DAB2IP: variants seen among roughly 807,000 people sequenced by gnomAD.
DAB2IP encodes the protein disabled homolog 2-interacting protein.
Under a neutral mutation model 107.2 loss-of-function variants are expected in DAB2IP, and 28 were observed. The observed-to-expected ratio is 0.26, with a 90% CI of 0.19 to 0.36. The LOEUF (loss-of-function observed/expected upper bound fraction) is 0.36. Among genes scored for constraint, DAB2IP ranks in the 10% least tolerant of loss-of-function variants. The probability of loss-of-function intolerance (pLI) is 1.00; values close to 1 mark genes in which losing one functional copy is unlikely to be tolerated. For synonymous variants in DAB2IP, 755 were observed against 706.4 expected (o/e 1.07, Z -1.09); for missense variants, 1,400 against 1,644.7 (o/e 0.85, Z 2.57).
chr9:121,775,317 G>T (rs79611673), intron 13 of DAB2IP, among the ~76,000 whole-genome samples: 2 of 152,110 alleles, frequency 1.3e-5, no homozygotes, highest in African/African-American at 4.8e-5. Context: ...GGCGAGGCCC[G>T]TCTCCATGCT....
Position 121,567,194 on chromosome 9 carries a change from G to A in DAB2IP, c.6G>A (p.Glu2=), listed in dbSNP as rs778480636. Residue 2 remains glutamate (E), a synonymous_variant, in exon 1 of 17, where the codon GAG becomes GAA. Transcript: ENST00000259371. Reference sequence around the variant, plus strand: ...GGGCTGGGGGCCCACACGCCATGGAGCCCGACTCCCTTCTGGACCAAGACG... The same window carrying A: ...GGGCTGGGGGCCCACACGCCATGGAACCCGACTCCCTTCTGGACCAAGACG... 10 of 1,613,950 alleles carry A rather than the reference G, an allele frequency of 6.2e-6. No homozygotes were observed. In the South Asian group the frequency reaches 9.9e-5, roughly 16 times the overall value.
At position 121,617,481 on chromosome 9, in the gene DAB2IP, G is replaced by A. The variant is rs575617406; in HGVS notation, c.40+50253G>A. Among the ~76,000 whole-genome samples the A allele has an allele frequency of 3.5e-4, 54 of 152,318 alleles. No homozygotes were observed. The South Asian group carries it at 6.6e-3, about 19-fold the overall frequency. Reference sequence around the variant, plus strand: ...TTCCTCAGGCTCTCTCATCTCAAGCGTTCTGTGGGAGGGACAGCCCAATAC... The same window carrying A: ...TTCCTCAGGCTCTCTCATCTCAAGCATTCTGTGGGAGGGACAGCCCAATAC... On this transcript the variant is annotated intron_variant, in intron 1 of 16. Transcript: ENST00000259371.
rs565576243 is a variant in DAB2IP, at chr9:121,728,419, C to G, written c.363-28594C>G. ...TGATCCAAGTTTGAGTCCCGTTCCACTGCAGCTTTTGCTAGTTGCGTGAAT... is the reference window on the plus strand; with the variant it reads ...TGATCCAAGTTTGAGTCCCGTTCCAGTGCAGCTTTTGCTAGTTGCGTGAAT... On this transcript the variant is annotated intron_variant, in intron 3 of 15. Coordinates refer to ENST00000408936, the Ensembl canonical transcript of DAB2IP. Among the ~76,000 whole-genome samples the G allele has an allele frequency of 3.9e-5, 6 of 152,350 alleles. No individual in the cohort carries two copies. In the East Asian group the frequency reaches 1.2e-3, roughly 29 times the overall value.
At chr9:121,695,209 T>C (rs1419084059) in intron 2 of DAB2IP, among the ~76,000 whole-genome samples, 1 of 152,216 alleles carries the variant, frequency 6.6e-6, no homozygotes, top group Non-Finnish European at 1.5e-5. Context: ...AGAATCATTT[T>C]GCAAGCATGT....
chr9:121,602,271 C>T (rs1004584998), intron 1 of DAB2IP, among the ~76,000 whole-genome samples: 18 of 152,296 alleles, frequency 1.2e-4, no homozygotes, highest in African/African-American at 2.9e-4. Context: ...CCTTGGCTGA[C>T]GGGAGCCCTG....
At chr9:121,610,793 G>A (rs566188440) in intron 1 of DAB2IP, among the ~76,000 whole-genome samples, 29 of 152,256 alleles carry the variant, frequency 1.9e-4, no homozygotes, top group African/African-American at 7.0e-4. Flanking sequence ...ATGAGAGGAA[G>A]GGCGTATTTG....
At chr9:121,601,447 C>G (rs1054081482) in intron 1 of DAB2IP, among the ~76,000 whole-genome samples, 1 of 152,202 alleles carries the variant, frequency 6.6e-6, no homozygotes, top group Non-Finnish European at 1.5e-5. Context: ...CAACATTCTT[C>G]CTGTTTGGGA....
chr9:121,576,318 C>T (rs1162141346), intron 1 of DAB2IP: 1 of 152,450 alleles, frequency 6.6e-6, no homozygotes, highest in Non-Finnish European at 1.5e-5. Flanking sequence ...TCTTGCCACT[C>T]CCATCATCAT....
At position 121,641,974 on chromosome 9, in the gene DAB2IP, T is replaced by C. The variant is rs149409102; in HGVS notation, c.41-36704T>C. On this transcript the variant is annotated intron_variant, in intron 1 of 16. Transcript: ENST00000259371. ...CCTTTCTTTCTTTCTCTCTCTCTCT[T>C]TCTTTCTTTCTTTCTTTCCTTTCTC... is the stretch of plus-strand genomic sequence containing the variant. Among the ~76,000 whole-genome samples, 763 of 82,004 alleles carry C rather than the reference T, an allele frequency of 9.3e-3. 28 individuals carry two copies. Among genetic ancestry groups the C allele is most frequent in the African/African-American group, 0.038 (450 of 11,822 alleles). The allele number at this position is 82,004 out of a possible 152,430, so 53.8% of individuals were successfully genotyped here.
intron 1 of DAB2IP, among the ~76,000 whole-genome samples, chr9:121,580,640 T>C (rs1243436078): frequency 6.6e-6 from 1 of 151,806 alleles, no homozygotes; most frequent in Non-Finnish European, 1.5e-5. Context: ...TTTTTTTTTT[T>C]CTGAGATGGA....
At chr9:121,725,273 C>A (rs1831174589) in intron 3 of DAB2IP, among the ~76,000 whole-genome samples, 1 of 152,216 alleles carries the variant, frequency 6.6e-6, no homozygotes, top group African/African-American at 2.4e-5. Context: ...TGATTCTCGA[C>A]ACAGCCATTG....
At chr9:121,655,339 G>C (rs1296244230) in intron 1 of DAB2IP, among the ~76,000 whole-genome samples, 1 of 152,116 alleles carries the variant, frequency 6.6e-6, no homozygotes, top group Non-Finnish European at 1.5e-5. Flanking sequence ...TCTGACCCCT[G>C]TGTTTCCCCA....
chr9:121,713,220 T>G (rs545007082), intron 3 of DAB2IP, among the ~76,000 whole-genome samples: 2 of 152,334 alleles, frequency 1.3e-5, no homozygotes, highest in South Asian at 4.2e-4. Context: ...AACCCACGTC[T>G]GCCAGCTGGG....
chr9:121,713,441 CAG>C (rs947795668), intron 3 of DAB2IP, among the ~76,000 whole-genome samples: 5 of 152,184 alleles, frequency 3.3e-5, no homozygotes, highest in Middle Eastern at 3.2e-3. Flanking sequence ...CATTTGTAGA[CAG>C]GGGCCTAAAA....
At position 121,776,479 on chromosome 9, in the gene DAB2IP, C is replaced by T; in HGVS notation, c.3314+88C>T. 1 of 1,360,742 alleles carries T rather than the reference C, an allele frequency of 7.3e-7. No homozygotes were observed. The highest frequency in any genetic ancestry group is 9.8e-7 in the Non-Finnish European group (1 of 1,019,894). 84.3% of individuals were successfully genotyped at this position (1,360,742 alleles called of 1,614,324 possible). A position where few individuals can be genotyped will look rare whatever the true frequency, so the allele number is the denominator to read the frequency against. On this transcript the variant is annotated intron_variant, in intron 14 of 15. Transcript: ENST00000408936. This position sits in a 1 kb window ranked among gnomAD's most constrained non-coding sequence, Gnocchi z 5.4. ...AGGAGGCCCCTGGTCGGGGAGCCTC[C>T]TCAAAGGATAAGCTGAATGTGGAGA...
chr9:121,769,869 T>G (rs1476237204), intron 10 of DAB2IP, among the ~76,000 whole-genome samples: 1 of 152,238 alleles, frequency 6.6e-6, no homozygotes, highest in East Asian at 1.9e-4. Context: ...AACAGGGATT[T>G]GAAACTCAAC....
chr9:121,718,146 C>T (rs2118805116), intron 3 of DAB2IP, among the ~76,000 whole-genome samples: 1 of 152,306 alleles, frequency 6.6e-6, no homozygotes, highest in African/African-American at 2.4e-5. Context: ...GCAGACTCTC[C>T]TGCCTGCCCT....
At position 121,777,502 on chromosome 9, in the gene DAB2IP, C is replaced by A. The variant is rs556150392; in HGVS notation, c.3314+1111C>A. 4.6e-5 allele frequency among the ~76,000 whole-genome samples: 7 copies of A among 152,366 alleles called. No homozygotes were observed. The East Asian group carries it at 1.3e-3, about 29-fold the overall frequency. ...ATGGAAATGCTTTTCAATTTAACTG[C>A]CTTCTCTACATTGTGTGTATTCTCT... On this transcript the variant is annotated intron_variant, in intron 14 of 15. Coordinates refer to ENST00000408936, the Ensembl canonical transcript of DAB2IP.
At position 121,772,924 on chromosome 9, in the gene DAB2IP, C is replaced by T. The variant is rs370862211; in HGVS notation, c.2396C>T (p.Thr799Met). The change falls in exon 12 of 16, where the codon ACG becomes ATG. Residue 799 changes from threonine to methionine, a missense_variant. Physicochemically the swap from Thr to Met is moderately conservative, Grantham distance 81. This residue lies in a region of DAB2IP where 600 missense variants were observed against 659.1 expected (regional missense o/e 0.91). Transcript: ENST00000408936. This position sits in a 1 kb window ranked among gnomAD's most constrained non-coding sequence, Gnocchi z 4.7. ...CCAGTGAACCTGGCAGGGCTGGCCA[C>T]GGTGCGGCGGGCAGGCCAGACACCA... 261 of 1,560,096 alleles carry T rather than the reference C, an allele frequency of 1.7e-4. No homozygotes were observed. The highest frequency in any genetic ancestry group is 3.5e-4 in the Middle Eastern group (2 of 5,794).
Sources: allele counts gnomAD v4.1 joint callset (sites outside exome capture counted in the v4.1 genomes callset), GRCh38; gene constraint gnomAD v4.1.1; regional missense constraint gnomAD v4.1.1; non-coding constraint Gnocchi (gnomAD v3.1); transcripts MANE v1.5; gene names NCBI Gene and HGNC (gene_info 2026-07-23, HGNC 2026-07-21).